Variants in INPP4B observed in about 807,000 individuals in gnomAD.
INPP4B encodes inositol polyphosphate 4-phosphatase type II.
Under a neutral mutation model 122.5 loss-of-function variants are expected in INPP4B, and 55 were observed. The observed-to-expected ratio is 0.45, with a 90% confidence interval of 0.36 to 0.56. The LOEUF (loss-of-function observed/expected upper bound fraction) is 0.56. INPP4B is among the 20% of genes least tolerant of loss of function. The pLI, the probability that INPP4B is intolerant of heterozygous loss-of-function variation, is 0.00. For synonymous variants in INPP4B, 403 were observed against 388.7 expected (o/e 1.04, Z -0.43); for missense variants, 1,000 against 1,097.7 (o/e 0.91, Z 1.26).
chr4:142,796,867 G>GGTGTGTGT (rs1561079297), intron 1 of INPP4B, among the ~76,000 whole-genome samples: 2 of 128,758 alleles, frequency 1.6e-5, no homozygotes, highest in South Asian at 2.5e-4. Context: ...GCGGAAAACA[G>GGTGTGTGT]ATGTGTGTGT....
chr4:142,089,631 A>C, intron 23 of INPP4B, among the ~76,000 whole-genome samples: 1 of 115,882 alleles, frequency 8.6e-6, no homozygotes, highest in East Asian at 2.7e-4. Flanking sequence ...AAAATACCTC[A>C]ATTTATAAAA....
intron 2 of INPP4B, among the ~76,000 whole-genome samples, chr4:142,624,361 G>C (rs1250077611): frequency 6.6e-6 from 1 of 151,434 alleles, no homozygotes; most frequent in East Asian, 1.9e-4. Flanking sequence ...CTGCATAAAT[G>C]TCTTCTTTTG....
intron 2 of INPP4B, among the ~76,000 whole-genome samples, chr4:142,673,013 G>A (rs752347269): frequency 1.6e-4 from 25 of 152,120 alleles, no homozygotes; most frequent in Admixed American, 2.6e-4. Context: ...AATTGTCTTT[G>A]CACCCTTGCC....
Position 142,198,479 on chromosome 4 carries a change from T to C in INPP4B, c.1073-5284A>G, listed in dbSNP as rs891922802. Among the ~76,000 whole-genome samples the C allele has an allele frequency of 8.6e-5, 13 of 152,032 alleles. No homozygotes were observed. In the East Asian group the frequency reaches 2.5e-3, roughly 29 times the overall value. On this transcript the variant is annotated intron_variant, in intron 14 of 25. Coordinates refer to ENST00000262992, the MANE Select transcript of INPP4B (RefSeq NM_001101669.3). ...TCCTTTTTTTAAAAAAAAGAATACTTTTTTCTTAAGCTTTTCTTTTCCAGC... is the reference window on the plus strand; with the variant it reads ...TCCTTTTTTTAAAAAAAAGAATACTCTTTTCTTAAGCTTTTCTTTTCCAGC...
intron 11 of INPP4B, among the ~76,000 whole-genome samples, chr4:142,258,247 A>T (rs1267705495): frequency 2.6e-5 from 4 of 152,110 alleles, no homozygotes; most frequent in African/African-American, 9.7e-5. Flanking sequence ...AACCATAAAA[A>T]CCCTAGAAGA....
intron 3 of INPP4B, among the ~76,000 whole-genome samples, chr4:142,453,937 G>C (rs919983534): frequency 1.3e-5 from 2 of 152,146 alleles, no homozygotes; most frequent in African/African-American, 4.8e-5. Context: ...CATGGGACTA[G>C]AGGAAATCAT....
intron 2 of INPP4B, among the ~76,000 whole-genome samples, chr4:142,612,415 T>A (rs1742753750): frequency 6.6e-6 from 1 of 152,232 alleles, no homozygotes; most frequent in African/African-American, 2.4e-5. Flanking sequence ...TCTTTATGTC[T>A]TAGTCCTTCT....
intron 7 of INPP4B, among the ~76,000 whole-genome samples, chr4:142,327,508 C>T (rs1370656929): frequency 6.6e-6 from 1 of 151,778 alleles, no homozygotes; most frequent in Non-Finnish European, 1.5e-5. Flanking sequence ...AACGAAGAGT[C>T]CTGTTTGTGT....
chr4:142,240,186 T>G (rs1337106951), intron 11 of INPP4B, among the ~76,000 whole-genome samples: 1 of 151,292 alleles, frequency 6.6e-6, no homozygotes, highest in East Asian at 2.0e-4. Flanking sequence ...TACAGGAGCA[T>G]GCCAGTTTTT....
intron 7 of INPP4B, among the ~76,000 whole-genome samples, chr4:142,360,656 A>G (rs935134240): frequency 6.6e-6 from 1 of 151,954 alleles, no homozygotes; most frequent in Non-Finnish European, 1.5e-5. Flanking sequence ...TGCAAATCCC[A>G]CAGGATCCAG....
At chr4:142,649,400 A>G (rs1752463802) in intron 2 of INPP4B, among the ~76,000 whole-genome samples, 1 of 152,240 alleles carries the variant, frequency 6.6e-6, no homozygotes, top group African/African-American at 2.4e-5. Context: ...TAGGCTTCAG[A>G]AGGTCGGTAA....
chr4:142,688,398 G>T (rs1295958375), intron 2 of INPP4B, among the ~76,000 whole-genome samples: 1 of 151,964 alleles, frequency 6.6e-6, no homozygotes, highest in Admixed American at 6.6e-5. Context: ...CATGTTATTT[G>T]CTTGTTCTGA....
intron 7 of INPP4B, among the ~76,000 whole-genome samples, chr4:142,354,555 T>C (rs1382799958): frequency 6.6e-6 from 1 of 152,010 alleles, no homozygotes; most frequent in East Asian, 1.9e-4. Flanking sequence ...AATCATTAGT[T>C]CCAATTCTTC....
chr4:142,269,890 TTA>T (rs1207889934), intron 10 of INPP4B, among the ~76,000 whole-genome samples: 1 of 152,172 alleles, frequency 6.6e-6, no homozygotes, highest in Admixed American at 6.5e-5. Context: ...AAGGTAGAAA[TTA>T]TAGTGTATAA....
chr4:142,350,161 T>G (rs905431806), intron 7 of INPP4B, among the ~76,000 whole-genome samples: 1 of 152,016 alleles, frequency 6.6e-6, no homozygotes, highest in Non-Finnish European at 1.5e-5. Flanking sequence ...TTAAGAACAG[T>G]CTGCACTATT....
At chr4:142,287,829 C>T (rs550897910) in intron 9 of INPP4B, among the ~76,000 whole-genome samples, 1 of 152,202 alleles carries the variant, frequency 6.6e-6, no homozygotes, top group South Asian at 2.1e-4. Context: ...AACAAAATAG[C>T]ATATAAAACT....
intron 25 of INPP4B, among the ~76,000 whole-genome samples, chr4:142,062,644 G>C (rs1229529145): frequency 6.6e-6 from 1 of 152,038 alleles, no homozygotes; most frequent in Admixed American, 6.6e-5. Context: ...GCTGAGGCAG[G>C]AGAATCACTT....
intron 1 of INPP4B, among the ~76,000 whole-genome samples, chr4:142,814,917 A>G (rs1336123735): frequency 6.6e-6 from 1 of 152,124 alleles, no homozygotes; most frequent in Non-Finnish European, 1.5e-5. Flanking sequence ...CTTCGAGTCC[A>G]ATGTGGAAAA....
intron 2 of INPP4B, among the ~76,000 whole-genome samples, chr4:142,683,238 A>T (rs1758883648): frequency 6.6e-6 from 1 of 151,942 alleles, no homozygotes; most frequent in African/African-American, 2.4e-5. Context: ...GGAGAGGAGG[A>T]ATACCAGTTG....
Sources: gnomAD v4.1 joint callset for allele counts (sites outside exome capture counted in the v4.1 genomes callset) on GRCh38, gnomAD v4.1.1 for gene constraint, MANE v1.5 for transcripts, NCBI Gene and HGNC (gene_info 2026-07-23, HGNC 2026-07-21) for gene names.